Variants in FER observed in about 807,000 individuals in gnomAD.
FER encodes the protein FER tyrosine kinase, also known as tyrosine-protein kinase Fer.
In FER, 63 loss-of-function variants were observed where a neutral mutation model predicts 111.0. The ratio of observed to expected loss-of-function variants is 0.57; its 90% CI spans 0.46 to 0.70. The LOEUF is 0.70. Ranked by LOEUF, FER falls within the 30% of genes least tolerant of loss-of-function variation. The pLI, the probability that FER is intolerant of heterozygous loss-of-function variation, is 0.00. For missense variants in FER, 914 were observed against 954.0 expected (o/e 0.96, Z 0.55); for synonymous variants, 327 against 313.9 (o/e 1.04, Z -0.44).
intron 13 of FER, among the ~76,000 whole-genome samples, chr5:108,989,041 T>A (rs1386153212): frequency 6.6e-6 from 1 of 152,126 alleles, no homozygotes; most frequent in Non-Finnish European, 1.5e-5. Flanking sequence ...TTTGCAACGG[T>A]CATTCACGAG....
chr5:108,985,807 T>C (rs1581518118), intron 13 of FER, among the ~76,000 whole-genome samples: 1 of 152,314 alleles, frequency 6.6e-6, no homozygotes, highest in East Asian at 1.9e-4. Context: ...ATGGTATATA[T>C]ACACCACAAT....
chr5:108,984,988 G>A (rs1249043031), intron 13 of FER, among the ~76,000 whole-genome samples: 1 of 151,988 alleles, frequency 6.6e-6, no homozygotes, highest in Non-Finnish European at 1.5e-5. Flanking sequence ...GTTAATGTTA[G>A]CAATTTTGAG....
chr5:109,074,400 G>GCT (rs1776091659), intron 16 of FER, among the ~76,000 whole-genome samples: 1 of 152,174 alleles, frequency 6.6e-6, no homozygotes, highest in Non-Finnish European at 1.5e-5. Context: ...ATGCAGGATT[G>GCT]CTAGAGTTGG....
At chr5:109,037,344 C>G in intron 13 of FER, 78 bp from the exon 14 acceptor site, 1 of 1,241,138 alleles carries the variant, frequency 8.1e-7, no homozygotes, top group South Asian at 1.3e-5. Context: ...TTTAGGTCGA[C>G]TTTCCACTGG....
intron 16 of FER, among the ~76,000 whole-genome samples, chr5:109,073,621 C>G (rs1202938704): frequency 6.6e-6 from 1 of 152,126 alleles, no homozygotes; most frequent in Non-Finnish European, 1.5e-5. Context: ...AACTTTAGCA[C>G]ATAGCCTTTA....
chr5:109,059,360 T>TAAAAAAAA (rs569822598), intron 16 of FER, among the ~76,000 whole-genome samples: 1 of 136,292 alleles, frequency 7.3e-6, no homozygotes, highest in Non-Finnish European at 1.6e-5. Context: ...CTGCCTCTAC[T>TAAAAAAAA]AAAAAAAAAA....
chr5:108,875,942 G>A (rs537545988), intron 8 of FER, among the ~76,000 whole-genome samples: 3 of 152,284 alleles, frequency 2.0e-5, no homozygotes, highest in African/African-American at 7.2e-5. Flanking sequence ...CGTAAAATGT[G>A]TAGTCTTGTA....
chr5:108,908,615 A>G (rs182050859), intron 10 of FER, among the ~76,000 whole-genome samples: 1 of 150,874 alleles, frequency 6.6e-6, no homozygotes, highest in African/African-American at 2.4e-5. Context: ...TAAAATTTGT[A>G]TTTGCTGAGG....
intron 3 of FER, among the ~76,000 whole-genome samples, chr5:108,818,904 T>C (rs978103804): frequency 2.0e-5 from 3 of 152,238 alleles, no homozygotes; most frequent in Non-Finnish European, 4.4e-5. Flanking sequence ...AGATAGCTTT[T>C]CCTATGGCTC....
At chr5:109,060,880 G>A (rs72790602) in intron 16 of FER, among the ~76,000 whole-genome samples, 21,873 of 151,424 alleles carry the variant, frequency 0.14, 1,718 homozygotes, top group South Asian at 0.21. Context: ...ATCATCATCA[G>A]TATCATTATA....
At chr5:109,051,804 C>T in intron 16 of FER, 1 of 1,595,898 alleles carries the variant, frequency 6.3e-7, no homozygotes, top group Admixed American at 1.7e-5. Context: ...AGGCCAGGGA[C>T]ACCAAGGACA....
chr5:109,107,246 A>T (rs548311840), intron 17 of FER, among the ~76,000 whole-genome samples: 1 of 152,338 alleles, frequency 6.6e-6, no homozygotes, highest in Admixed American at 6.5e-5. Flanking sequence ...TTTACATTAA[A>T]CAATTACAAA....
intron 16 of FER, among the ~76,000 whole-genome samples, chr5:109,089,339 T>G (rs1581978136): frequency 6.6e-6 from 1 of 152,214 alleles, no homozygotes; most frequent in East Asian, 1.9e-4. Context: ...CTTTCACATT[T>G]TTTGAAGCAT....
intron 16 of FER, among the ~76,000 whole-genome samples, chr5:109,056,257 G>T (rs184717580): frequency 1.2e-3 from 182 of 152,284 alleles, no homozygotes; most frequent in Middle Eastern, 6.8e-3. Flanking sequence ...CGCTTGTAAA[G>T]ATATGTGCAC....
chr5:108,838,716 T>C (rs936811833), intron 5 of FER, among the ~76,000 whole-genome samples: 7 of 152,206 alleles, frequency 4.6e-5, no homozygotes, highest in Non-Finnish European at 7.4e-5. Context: ...ATTTACAATA[T>C]GAATTTAGCA....
intron 2 of FER, among the ~76,000 whole-genome samples, chr5:108,769,185 G>A (rs1752634354): frequency 6.6e-6 from 1 of 152,092 alleles, no homozygotes; most frequent in Non-Finnish European, 1.5e-5. Flanking sequence ...TGAGGAGGTG[G>A]AATCTACTTT....
chr5:109,016,716 CTTT>C (rs755770775), intron 13 of FER, among the ~76,000 whole-genome samples: 16 of 152,024 alleles, frequency 1.1e-4, no homozygotes, highest in African/African-American at 3.1e-4. Flanking sequence ...AGAATCTATT[CTTT>C]ATTTGAATAT....
intron 17 of FER, among the ~76,000 whole-genome samples, chr5:109,133,821 T>A (rs1421033247): frequency 1.3e-5 from 2 of 152,260 alleles, no homozygotes; most frequent in East Asian, 3.9e-4. Flanking sequence ...TAAACAAAAT[T>A]TGGTGTAAAA....
At chr5:109,093,396 AAGT>A (rs1159438983) in intron 16 of FER, among the ~76,000 whole-genome samples, 2 of 151,838 alleles carry the variant, frequency 1.3e-5, no homozygotes, top group African/African-American at 4.8e-5. Flanking sequence ...AATCTGATAG[AAGT>A]AGTTTTATAA....
Sources: gnomAD v4.1 joint callset for allele counts (sites outside exome capture counted in the v4.1 genomes callset) on GRCh38, gnomAD v4.1.1 for gene constraint, MANE v1.5 for transcripts, NCBI Gene and HGNC (gene_info 2026-07-23, HGNC 2026-07-21) for gene names.